The following POLR1F variants were observed in gnomAD, a reference collection of about 807,000 sequenced individuals.
POLR1F encodes the protein DNA-directed RNA polymerase I subunit RPA43.
In POLR1F, 23 loss-of-function variants were observed where a neutral mutation model predicts 21.8. The observed-to-expected ratio is 1.05, with a 90% CI of 0.76 to 1.49. The LOEUF is 1.49. Among genes scored for constraint, POLR1F ranks in the 40% most tolerant of loss-of-function variants. The pLI is 0.00. For synonymous variants in POLR1F, 162 were observed against 152.8 expected, an observed-to-expected ratio of 1.06 and a Z score of -0.45; for missense variants, 435 against 412.1, an observed-to-expected ratio of 1.06 and a Z score of -0.48.
At chr7:19,705,674 T>C (rs935517271) in intron 1 of POLR1F, among the ~76,000 whole-genome samples, 1 of 152,228 alleles carries the variant, frequency 6.6e-6, no homozygotes, top group South Asian at 2.1e-4. Context: ...CACTTTAGTC[T>C]ACAAATGTAA....
chr7:19,700,258 G>A lies in POLR1F; in HGVS notation c.419C>T (p.Ser140Phe), dbSNP rs760745308. The A allele has an allele frequency of 1.2e-6, 2 of 1,613,632 alleles. No homozygotes were observed. The highest frequency in any genetic ancestry group is 8.5e-7 in the Non-Finnish European group (1 of 1,179,654). ...ATGTACTAAACAGCCAATGTGGCTA[G>A]AAGACACTTTATTAACTATACCCTG... Reference protein sequence around the residue: ...KLMGIVNKVSSSHIGCLVHGC... With the variant: ...KLMGIVNKVSFSHIGCLVHGC... The change falls in exon 3 of 4, where the codon TCT becomes TTT. Residue 140 changes from serine to phenylalanine, a missense_variant. By Grantham distance (155) the Ser-to-Phe change is radical. Transcript: ENST00000222567.
chr7:19,708,742 A>AAC (rs767439972), intron 1 of POLR1F, 21 bp downstream of exon 1: 78 of 1,591,558 alleles, frequency 4.9e-5, no homozygotes, highest in Non-Finnish European at 6.5e-5. Flanking sequence ...CAAAAGAAGG[A>AAC]ACAGGCAAAG....
rs1320581482 is a variant in POLR1F at position 19,698,543 on chromosome 7, T to G, written c.790A>C (p.Thr264Pro). Residue 264 changes from threonine to proline, a missense_variant, in exon 4 of 4, where the codon ACT (threonine) becomes CCT (proline). By Grantham distance (38) the Thr-to-Pro change is conservative. Transcript: ENST00000222567. ...TPMEESALQN[T>P]NNANGIWEEE... ...TCCCAGATGCCATTCGCATTATTAG[T>G]ATTCTGCAGGGCTGACTCTTCCATT... 3 of 1,608,994 alleles carry G rather than the reference T, an allele frequency of 1.9e-6. No homozygotes were observed. Among genetic ancestry groups the G allele is most frequent in the Non-Finnish European group, 2.5e-6 (3 of 1,178,754 alleles).
At chr7:19,702,728 C>A (rs1783461339) in intron 2 of POLR1F, among the ~76,000 whole-genome samples, 1 of 152,062 alleles carries the variant, frequency 6.6e-6, no homozygotes, top group South Asian at 2.1e-4. Flanking sequence ...AATACAAAAA[C>A]CCAATTAAAA....
At chr7:19,699,432 T>C (rs1372955010) in intron 3 of POLR1F, among the ~76,000 whole-genome samples, 1 of 152,190 alleles carries the variant, frequency 6.6e-6, no homozygotes, top group African/African-American at 2.4e-5. Context: ...GAGGCTGCTG[T>C]ACTATGTATA....
In POLR1F at chr7:19,708,912, G is replaced by A; in HGVS notation, c.105C>T (p.Ala35=). The A allele has an allele frequency of 6.2e-7, 1 of 1,613,986 alleles. No homozygotes were observed. The highest frequency in any genetic ancestry group is 1.7e-5 in the Admixed American group (1 of 60,026). The change falls in exon 1 of 4, where the codon GCC becomes GCT. Residue 35 remains alanine (A), a synonymous_variant. Coordinates refer to ENST00000222567, the MANE Select transcript of POLR1F (RefSeq NM_001002926.2). ...VLPCLELPTY[A]AACALVNSRY... ...GACTGTTCACCAGCGCACAAGCAGCGGCATAAGTCGGCAACTCTAGGCAAG... is the reference window on the plus strand; with the variant it reads ...GACTGTTCACCAGCGCACAAGCAGCAGCATAAGTCGGCAACTCTAGGCAAG...
In POLR1F at chr7:19,696,988, A is replaced by G. The variant is rs1165883173; in HGVS notation, c.*1328T>C. The G allele has an allele frequency of 2.0e-5, 3 of 152,042 alleles. No individual in the cohort carries two copies. The highest frequency in any genetic ancestry group is 4.4e-5 in the Non-Finnish European group (3 of 67,940). The allele number at this position is 152,042 out of a possible 1,614,324, so 9.4% of individuals were successfully genotyped here. A position where few individuals can be genotyped will look rare whatever the true frequency, so the allele number is the denominator to read the frequency against. On this transcript the variant is annotated 3_prime_UTR_variant, in exon 4 of 4. Transcript: ENST00000222567. ...TTGTAGACAATTGTGAACATCTGCCACTCTGCCAATTCTATATCCCATCAT... is the reference window on the plus strand; with the variant it reads ...TTGTAGACAATTGTGAACATCTGCCGCTCTGCCAATTCTATATCCCATCAT...
intron 1 of POLR1F, 74 bp from the exon 2 acceptor site, chr7:19,704,994 T>A: frequency 6.9e-7 from 1 of 1,449,204 alleles, no homozygotes. Context: ...GACAGGGTCT[T>A]GCTCTGTCAC....
chr7:19,702,795 G>A (rs1190277671), intron 2 of POLR1F, among the ~76,000 whole-genome samples: 4 of 152,150 alleles, frequency 2.6e-5, no homozygotes, highest in Admixed American at 2.0e-4. Flanking sequence ...AATTGCTTAT[G>A]AGGGAAACGG....
rs536942501 is a variant in POLR1F at position 19,697,976 on chromosome 7, A to G, written c.*340T>C. The G allele has an allele frequency of 3.3e-4, 57 of 172,742 alleles. No homozygotes were observed. In the South Asian group the frequency reaches 5.4e-3, roughly 16 times the overall value. 10.7% of individuals were successfully genotyped at this position (172,742 alleles called of 1,614,324 possible). On this transcript the variant is annotated 3_prime_UTR_variant, in exon 4 of 4. Transcript: ENST00000222567. ...ATCATCAAAATCTCAAACTTAACTC[A>G]TTCTTTAGTAATATAATATTGTATT...
chr7:19,698,917 G>A (rs1031610535), intron 3 of POLR1F, among the ~76,000 whole-genome samples, 190 bp from the exon 4 acceptor site: 9 of 152,028 alleles, frequency 5.9e-5, no homozygotes, highest in Admixed American at 3.3e-4. Context: ...ATGGGCTGCT[G>A]AATGTTAAAT....
chr7:19,704,061 T>C (rs573247199), intron 2 of POLR1F, among the ~76,000 whole-genome samples: 1 of 152,258 alleles, frequency 6.6e-6, no homozygotes, highest in South Asian at 2.1e-4. Flanking sequence ...ATGAAAAAAA[T>C]TGGAAGTGTC....
At chr7:19,705,637 C>G (rs775253035) in intron 1 of POLR1F, among the ~76,000 whole-genome samples, 1 of 152,174 alleles carries the variant, frequency 6.6e-6, no homozygotes, top group Non-Finnish European at 1.5e-5. Flanking sequence ...AATGTTAATA[C>G]AACTACATTA....
intron 3 of POLR1F, 111 bp from the exon 4 acceptor site, chr7:19,698,838 C>T: frequency 4.9e-6 from 4 of 814,460 alleles, no homozygotes; most frequent in South Asian, 5.4e-5. Context: ...GACTCCAGTA[C>T]AAGACACATA....
rs141616239 is a variant in POLR1F, at chr7:19,698,314, C to A, written c.*2G>T. ...TAAAAACTGAATCGTGTTTAAAATA[C>A]ACTAAAGAAAATTACTTTTCCCTTT... On this transcript the variant is annotated 3_prime_UTR_variant, in exon 4 of 4. Transcript: ENST00000222567. 1.6e-5 allele frequency: 24 copies of A among 1,547,910 alleles called. No homozygotes were observed. In the East Asian group the frequency reaches 4.9e-4, roughly 32 times the overall value.
intron 1 of POLR1F, chr7:19,705,225 T>C (rs971857000): frequency 9.9e-6 from 2 of 202,104 alleles, no homozygotes; most frequent in African/African-American, 4.6e-5. Context: ...ATATGATTAG[T>C]CTGTAACAAC....
chr7:19,707,630 AGTT>A (rs371866860), intron 1 of POLR1F, among the ~76,000 whole-genome samples: 80 of 152,308 alleles, frequency 5.3e-4, no homozygotes, highest in African/African-American at 1.8e-3. Context: ...TCTTCAATCA[AGTT>A]GTTCTCAAAG....
chr7:19,701,641 T>C (rs1783447727), intron 2 of POLR1F, among the ~76,000 whole-genome samples: 1 of 152,162 alleles, frequency 6.6e-6, no homozygotes, highest in South Asian at 2.1e-4. Context: ...ACAGAGTAAA[T>C]ACTAGGGACA....
chr7:19,700,329 A>G, intron 2 of POLR1F, 49 bp from the exon 3 acceptor site: 1 of 1,453,846 alleles, frequency 6.9e-7, no homozygotes, highest in South Asian at 1.2e-5. Context: ...CACATCCACA[A>G]AGTTAAAAGG....
Sources: allele counts gnomAD v4.1 joint callset (sites outside exome capture counted in the v4.1 genomes callset), GRCh38; gene constraint gnomAD v4.1.1; transcripts MANE v1.5; gene names NCBI Gene and HGNC (gene_info 2026-07-23, HGNC 2026-07-21).